The following HOXD3 variants were observed in gnomAD, a reference collection of about 807,000 sequenced individuals.
HOXD3 encodes homeobox protein Hox-D3.
HOXD3 carries 13 observed loss-of-function variants against 32.8 expected under a neutral mutation model. That is an observed-to-expected ratio of 0.40 (90% CI 0.26 to 0.63). The LOEUF (loss-of-function observed/expected upper bound fraction) is 0.63. Ranked by LOEUF, HOXD3 falls within the 20% of genes least tolerant of loss-of-function variation. The probability of loss-of-function intolerance (pLI) is 0.44; values close to 1 mark genes in which losing one functional copy is unlikely to be tolerated. For synonymous variants in HOXD3, 241 were observed against 246.8 expected (o/e 0.98, Z 0.22); for missense variants, 504 against 577.1 (o/e 0.87, Z 1.30).
chr2:176,170,920 G>T lies in HOXD3; in HGVS notation c.542-597G>T, dbSNP rs192172316. 6.3e-3 allele frequency among the ~76,000 whole-genome samples: 932 copies of T among 148,142 alleles called. 2 individuals are homozygous for T. Among genetic ancestry groups the T allele is most frequent in the African/African-American group, 0.016 (646 of 41,248 alleles). The stretch of plus-strand genomic sequence containing the variant: ...GTGTTTTTTTTTGTTTGTTTGTTTG[G>T]TTGGTTTTTTTTTATTTTTTATTTT... On this transcript the variant is annotated intron_variant, in intron 3 of 3. Coordinates refer to ENST00000683222, the MANE Select transcript of HOXD3 (RefSeq NM_006898.5).
intron 1 of HOXD3, among the ~76,000 whole-genome samples, chr2:176,162,066 C>A (rs1040065251): frequency 6.6e-6 from 1 of 152,242 alleles, no homozygotes; most frequent in African/African-American, 2.4e-5. Context: ...AAGGAGCATT[C>A]CCTTAGCTTA....
chr2:176,168,735 G>A (rs1260837841), intron 2 of HOXD3, among the ~76,000 whole-genome samples: 2 of 152,044 alleles, frequency 1.3e-5, no homozygotes, highest in Non-Finnish European at 2.9e-5. Context: ...AGAATAGCTG[G>A]GACTTTGAAA....
chr2:176,156,642 C>T (rs1473498325), upstream of HOXD3, among the ~76,000 whole-genome samples: 4 of 152,144 alleles, frequency 2.6e-5, no homozygotes, highest in Admixed American at 2.6e-4. Context: ...GCACCTGCCC[C>T]TCCTTCTTCC....
At chr2:176,166,254 A>AAT (rs1277612871) in intron 2 of HOXD3, among the ~76,000 whole-genome samples, 2 of 152,328 alleles carry the variant, frequency 1.3e-5, no homozygotes, top group East Asian at 1.9e-4. Context: ...CATAGAAGCA[A>AAT]ATATATATAT....
upstream of HOXD3, chr2:176,152,746 T>C: frequency 6.2e-7 from 1 of 1,614,190 alleles, no homozygotes; most frequent in South Asian, 1.1e-5. This position sits in a 1 kb window ranked among gnomAD's most constrained non-coding sequence, Gnocchi z 5.2. Flanking sequence ...GCTCACACCC[T>C]GTGTCTGTCG....
At chr2:176,152,973 C>G, upstream of HOXD3, 1 of 1,600,008 alleles carries the variant, frequency 6.2e-7, no homozygotes, top group Non-Finnish European at 8.6e-7. The surrounding 1 kb of genome is among the most constrained non-coding windows in gnomAD (Gnocchi z 5.2). Flanking sequence ...TCTCTCCCTG[C>G]GCACCAGGCT....
chr2:176,169,469 C>A lies in HOXD3; in HGVS notation c.355C>A (p.Pro119Thr), dbSNP rs1361097280. ...GLNSEQQPPQPPPPPPTLPPS... is the reference protein window; with the variant it reads ...GLNSEQQPPQTPPPPPTLPPS... ...GAACTCAGAGCAGCAGCCACCACAA[C>A]CCCCTCCTCCACCACCGACCCTGCC... is the stretch of plus-strand genomic sequence containing the variant. The change falls in exon 3 of 4, where the codon CCC becomes ACC. Residue 119 changes from proline to threonine, a missense_variant. Around this residue, in one of 3 missense-constraint regions of HOXD3, gnomAD observed 181 missense variants for 172.2 expected, o/e 1.05. Coordinates refer to ENST00000683222, the MANE Select transcript of HOXD3 (RefSeq NM_006898.5). 1 of 1,612,778 alleles carries A rather than the reference C, an allele frequency of 6.2e-7. No individual in the cohort carries two copies. Among genetic ancestry groups the A allele is most frequent in the Non-Finnish European group, 8.5e-7 (1 of 1,179,382 alleles).
At position 176,166,933 on chromosome 2, in the gene HOXD3, G is replaced by A. The variant is rs139882147; in HGVS notation, c.-84-2098G>A. 3.1e-3 allele frequency among the ~76,000 whole-genome samples: 467 copies of A among 152,298 alleles called. 2 individuals are homozygous for A. The highest frequency in any genetic ancestry group is 0.011 in the African/African-American group (440 of 41,558). On this transcript the variant is annotated intron_variant, in intron 2 of 3. Transcript: ENST00000683222. ...TCAAATCCATTAGGCCACATAAGCT[G>A]TCTAGATGATGTGGTACATCATGAT...
chr2:176,156,012 G>T (rs1416081668), upstream of HOXD3, among the ~76,000 whole-genome samples: 1 of 152,108 alleles, frequency 6.6e-6, no homozygotes, highest in Non-Finnish European at 1.5e-5. Flanking sequence ...TATACTAATT[G>T]TTGCTTGTAG....
At chr2:176,170,347 C>G (rs538501439) in intron 3 of HOXD3, among the ~76,000 whole-genome samples, 1 of 152,258 alleles carries the variant, frequency 6.6e-6, no homozygotes, top group East Asian at 1.9e-4. Context: ...GGTGCCTGTC[C>G]TAGTAGGAGA....
Position 176,171,512 on chromosome 2 carries a change from C to A in HOXD3, c.542-5C>A, listed in dbSNP as rs760842959. On this transcript the variant is annotated splice_polypyrimidine_tract_variant and splice_region_variant and intron_variant, in intron 3 of 3. Coordinates refer to ENST00000683222, the MANE Select transcript of HOXD3 (RefSeq NM_006898.5). ...AGCGCCCTCCCTCTCTCCCTCCCTG[C>A]CCAGGAGAGAGCTGCGAGGACAAGA... 24 of 1,576,746 alleles carry A rather than the reference C, an allele frequency of 1.5e-5. No individual in the cohort carries two copies. The East Asian group carries it at 2.2e-4, about 15-fold the overall frequency.
chr2:176,163,560 G>A (rs185367056), intron 1 of HOXD3, among the ~76,000 whole-genome samples: 1 of 152,254 alleles, frequency 6.6e-6, no homozygotes, highest in East Asian at 1.9e-4. Flanking sequence ...AGGAACTAGC[G>A]CCCAGGTCCT....
At chr2:176,155,129 C>T (rs770236112), upstream of HOXD3, among the ~76,000 whole-genome samples, 1 of 152,174 alleles carries the variant, frequency 6.6e-6, no homozygotes, top group Non-Finnish European at 1.5e-5. Flanking sequence ...TTGAAAGGAG[C>T]CGCTATCCTT....
At chr2:176,153,446 T>A (rs1346999302), upstream of HOXD3, among the ~76,000 whole-genome samples, 2 of 152,196 alleles carry the variant, frequency 1.3e-5, no homozygotes, top group Non-Finnish European at 2.9e-5. Context: ...TGGAATTTCA[T>A]GTGATTAAAA....
chr2:176,152,962 A>C (rs769136128), upstream of HOXD3: 32 of 1,609,738 alleles, frequency 2.0e-5, no homozygotes, highest in Non-Finnish European at 2.6e-5. This position sits in a 1 kb window ranked among gnomAD's most constrained non-coding sequence, Gnocchi z 5.2. Context: ...CCCTGGGCCC[A>C]TCTCTCCCTG....
At chr2:176,157,742 G>C (rs573312768) in intron 1 of HOXD3, among the ~76,000 whole-genome samples, 2 of 152,324 alleles carry the variant, frequency 1.3e-5, no homozygotes, top group Non-Finnish European at 2.9e-5. Context: ...GTGTGTGTGC[G>C]AGGCGCTAGG....
At chr2:176,160,667 G>A (rs1465419551) in intron 1 of HOXD3, among the ~76,000 whole-genome samples, 9 of 152,194 alleles carry the variant, frequency 5.9e-5, no homozygotes, top group Admixed American at 1.3e-4. Flanking sequence ...GGGGGTTTCC[G>A]GGGCTCTCTC....
chr2:176,171,758 G>T lies in HOXD3; in HGVS notation c.783G>T (p.Ser261=), dbSNP rs1047976959. ...KDQKAKGILH[S]PASQSPERSP... ...AGAAGGCCAAGGGCATCCTGCACTC[G>T]CCGGCTAGCCAGTCCCCTGAGCGCA... Residue 261 remains serine, a synonymous_variant, in exon 4 of 4, where the codon TCG becomes TCT. Coordinates refer to ENST00000683222, the MANE Select transcript of HOXD3 (RefSeq NM_006898.5). 6 of 1,613,696 alleles carry T rather than the reference G, an allele frequency of 3.7e-6. No individual in the cohort carries two copies. The highest frequency in any genetic ancestry group is 5.1e-6 in the Non-Finnish European group (6 of 1,179,980).
At position 176,172,082 on chromosome 2, in the gene HOXD3, G is replaced by C; in HGVS notation, c.1107G>C (p.Ala369=). The change falls in exon 4 of 4, where the codon GCG becomes GCC. Residue 369 remains alanine (A), a synonymous_variant. Coordinates refer to ENST00000683222, the MANE Select transcript of HOXD3 (RefSeq NM_006898.5). Reference sequence around the variant, plus strand: ...ACTTCGTCGAGTCCATGGCGCCCGCGTCCGGGCCTGTCTTCAACCTGGGCC... The same window carrying C: ...ACTTCGTCGAGTCCATGGCGCCCGCCTCCGGGCCTGTCTTCAACCTGGGCC... The part of the protein sequence containing the change: ...GGNFVESMAP[A]SGPVFNLGHL... 1 of 1,611,434 alleles carries C rather than the reference G, an allele frequency of 6.2e-7. No individual in the cohort carries two copies. The highest frequency in any genetic ancestry group is 1.3e-5 in the African/African-American group (1 of 75,052).
Sources: gnomAD v4.1 joint callset for allele counts (sites outside exome capture counted in the v4.1 genomes callset) on GRCh38, gnomAD v4.1.1 for gene constraint, gnomAD v4.1.1 regional missense constraint, Gnocchi (gnomAD v3.1) non-coding constraint, MANE v1.5 for transcripts, NCBI Gene and HGNC (gene_info 2026-07-23, HGNC 2026-07-21) for gene names.